Variants in HEATR5A observed in about 807,000 individuals in gnomAD.
HEATR5A encodes HEAT repeat-containing protein 5A.
HEATR5A carries 178 observed loss-of-function variants against 218.8 expected under a neutral mutation model. The observed-to-expected ratio is 0.81, with a 90% confidence interval of 0.72 to 0.92. HEATR5A has a LOEUF of 0.92. Among genes scored for constraint, HEATR5A ranks in the 40% least tolerant of loss-of-function variants. The probability of loss-of-function intolerance (pLI) is 0.00; values close to 1 mark genes in which losing one functional copy is unlikely to be tolerated. For synonymous variants in HEATR5A, 864 were observed against 871.6 expected, an observed-to-expected ratio of 0.99 and a Z score of 0.15; for missense variants, 2,420 against 2,418.9, an observed-to-expected ratio of 1.00 and a Z score of -0.01.
intron 4 of HEATR5A, among the ~76,000 whole-genome samples, chr14:31,397,551 T>C (rs10148667): frequency 0.95 from 144,334 of 151,868 alleles, 68,866 homozygotes; most frequent in Non-Finnish European, 1. Context: ...CCCAGCTACT[T>C]GTGAGGCCGA....
At chr14:31,417,333 G>A (rs2031484899) in intron 1 of HEATR5A, among the ~76,000 whole-genome samples, 1 of 152,164 alleles carries the variant, frequency 6.6e-6, no homozygotes, top group Admixed American at 6.6e-5. Flanking sequence ...GCCGAGGTAC[G>A]CGGATCACGA....
chr14:31,304,921 TG>T lies in HEATR5A; in HGVS notation c.5222del (p.Ala1741GlufsTer28). On this transcript the variant is annotated frameshift_variant, in exon 32 of 36. Coordinates refer to ENST00000543095, the MANE Select transcript of HEATR5A (RefSeq NM_015473.4). LOFTEE classifies it high-confidence loss of function. ...AALVILSELP[A>X]VCSPEGSISI... is the part of the protein sequence containing the mutation. The stretch of plus-strand genomic sequence containing the variant: ...ACAGCATACCTTCAGGAGAGCACAC[TG>T]CAGGAAGTTCGGAAAGGATAACCAA... 1 of 1,613,964 alleles carries T rather than the reference TG, an allele frequency of 6.2e-7. No homozygotes were observed. The highest frequency in any genetic ancestry group is 8.5e-7 in the Non-Finnish European group (1 of 1,179,866).
chr14:31,406,290 A>C (rs1166171759), intron 1 of HEATR5A, among the ~76,000 whole-genome samples: 1 of 152,226 alleles, frequency 6.6e-6, no homozygotes, highest in Admixed American at 6.5e-5. Flanking sequence ...ATGTCAATAT[A>C]TTTAAATATA....
At chr14:31,356,850 T>G (rs1901443447) in intron 16 of HEATR5A, among the ~76,000 whole-genome samples, 1 of 152,168 alleles carries the variant, frequency 6.6e-6, no homozygotes, top group Non-Finnish European at 1.5e-5. Flanking sequence ...AAAAAGTATA[T>G]TTTCTTTTTT....
chr14:31,359,097 T>C, intron 14 of HEATR5A, 40 bp from the exon 15 acceptor site: 6 of 1,568,344 alleles, frequency 3.8e-6, no homozygotes, highest in Non-Finnish European at 4.3e-6. Context: ...TACTATTAAT[T>C]ATCTGGTGAG....
intron 1 of HEATR5A, among the ~76,000 whole-genome samples, chr14:31,407,181 C>T (rs1438885993): frequency 6.6e-6 from 1 of 152,076 alleles, no homozygotes; most frequent in Non-Finnish European, 1.5e-5. Flanking sequence ...GTCCCAGCTA[C>T]TCAGGAGGCT....
At chr14:31,338,172 T>A (rs1036471801) in intron 21 of HEATR5A, among the ~76,000 whole-genome samples, 1 of 152,198 alleles carries the variant, frequency 6.6e-6, no homozygotes, top group African/African-American at 2.4e-5. Flanking sequence ...GTAACACTAC[T>A]GCATCTCTCA....
intron 21 of HEATR5A, among the ~76,000 whole-genome samples, chr14:31,339,363 T>C (rs1900769602): frequency 7.2e-6 from 1 of 138,564 alleles, no homozygotes; most frequent in South Asian, 2.2e-4. Context: ...GGCAGGAGAA[T>C]CGCTTGAACC....
chr14:31,302,777 T>C, intron 32 of HEATR5A: 1 of 399,622 alleles, frequency 2.5e-6, no homozygotes, highest in Admixed American at 4.2e-5. Flanking sequence ...GTTTTTGTTT[T>C]CTTTGGCAGT....
chr14:31,401,071 C>T (rs2030861235), intron 2 of HEATR5A, among the ~76,000 whole-genome samples: 1 of 152,034 alleles, frequency 6.6e-6, no homozygotes, highest in African/African-American at 2.4e-5. Flanking sequence ...GATCTCCTGA[C>T]CTTATGATCC....
chr14:31,411,403 A>G (rs1370496467), intron 1 of HEATR5A, among the ~76,000 whole-genome samples: 1 of 152,224 alleles, frequency 6.6e-6, no homozygotes, highest in Non-Finnish European at 1.5e-5. Flanking sequence ...ACAGGAGTGC[A>G]AAAGGCTTAA....
intron 16 of HEATR5A, among the ~76,000 whole-genome samples, chr14:31,353,609 G>A (rs1192354024): frequency 1.3e-5 from 2 of 152,082 alleles, no homozygotes; most frequent in Non-Finnish European, 1.5e-5. Context: ...ATTGGTGCCT[G>A]ACTGTAGACC....
Position 31,321,570 on chromosome 14 carries a change from T to A in HEATR5A, c.3898A>T (p.Ile1300Phe). 6.2e-7 allele frequency: 1 copy of A among 1,607,922 alleles called. No homozygotes were observed. ...TCTGGAACAGTTGCAAATCGCCGAA[T>A]AACAACTAACAGCATTTCAAGGCCA... ...LSGLEMLLVVIRRFATVPEPE... is the reference protein window; with the variant it reads ...LSGLEMLLVVFRRFATVPEPE... Residue 1300 changes from isoleucine (I) to phenylalanine (F), a missense_variant, in exon 25 of 36, where the codon ATT becomes TTT. Physicochemically the swap from Ile to Phe is conservative, Grantham distance 21. Coordinates refer to ENST00000543095, the MANE Select transcript of HEATR5A (RefSeq NM_015473.4).
chr14:31,346,515 A>G (rs532660664), intron 19 of HEATR5A, among the ~76,000 whole-genome samples: 3 of 152,330 alleles, frequency 2.0e-5, no homozygotes, highest in African/African-American at 7.2e-5. Context: ...TCAAATAGGC[A>G]TGTAAGGAGA....
chr14:31,375,982 C>G (rs1902213222), intron 11 of HEATR5A, among the ~76,000 whole-genome samples: 1 of 152,196 alleles, frequency 6.6e-6, no homozygotes, highest in African/African-American at 2.4e-5. Flanking sequence ...CTACTTCTTA[C>G]TCCCACATTC....
At chr14:31,339,195 T>C (rs1295704012) in intron 21 of HEATR5A, among the ~76,000 whole-genome samples, 1 of 149,016 alleles carries the variant, frequency 6.7e-6, no homozygotes, top group Non-Finnish European at 1.5e-5. Context: ...CTGGGCATGA[T>C]GGCTCACACC....
intron 1 of HEATR5A, among the ~76,000 whole-genome samples, chr14:31,418,132 G>A (rs1256395611): frequency 1.3e-5 from 2 of 151,542 alleles, no homozygotes; most frequent in African/African-American, 2.4e-5. Flanking sequence ...CACTTGCACC[G>A]GGGAGGTAGA....
Position 31,360,749 on chromosome 14 carries a change from T to C in HEATR5A, c.2072-1692A>G, listed in dbSNP as rs570092295. 2.6e-5 allele frequency among the ~76,000 whole-genome samples: 4 copies of C among 152,228 alleles called. No homozygotes were observed. In the East Asian group the frequency reaches 7.7e-4, roughly 29 times the overall value. On this transcript the variant is annotated intron_variant, in intron 14 of 35. Transcript: ENST00000543095. ...GGTGATATCCACTGATCAGAAGTGG[T>C]AGGATGAGTTAGGAAGGGTTTACTT...
At chr14:31,345,837 C>T (rs531559980) in intron 19 of HEATR5A, among the ~76,000 whole-genome samples, 5 of 152,130 alleles carry the variant, frequency 3.3e-5, no homozygotes, top group East Asian at 3.9e-4. Flanking sequence ...TTCTTGATTT[C>T]GGGAGGTGGT....
Sources: gnomAD v4.1 joint callset for allele counts (sites outside exome capture counted in the v4.1 genomes callset) on GRCh38, gnomAD v4.1.1 for gene constraint, MANE v1.5 for transcripts, NCBI Gene and HGNC (gene_info 2026-07-23, HGNC 2026-07-21) for gene names.